The following TINAG variants were observed in gnomAD, a reference collection of about 807,000 sequenced individuals.
TINAG encodes the protein tubulointerstitial nephritis antigen.
A neutral mutation model predicts 72.7 loss-of-function variants in TINAG; 83 were observed. The observed-to-expected ratio is 1.14, with a 90% CI of 0.96 to 1.37. The LOEUF is 1.37. Among genes scored for constraint, TINAG ranks in the 40% most tolerant of loss-of-function variants. TINAG has a pLI of 0.00. For missense variants in TINAG, 685 were observed against 576.6 expected, an observed-to-expected ratio of 1.19 and a Z score of -1.93; for synonymous variants, 234 against 189.9, an observed-to-expected ratio of 1.23 and a Z score of -1.91.
intron 4 of TINAG, among the ~76,000 whole-genome samples, chr6:54,327,569 A>T (rs767818888): frequency 2.0e-5 from 3 of 151,246 alleles, no homozygotes; most frequent in African/African-American, 4.9e-5. Context: ...TTTTTTTTTC[A>T]TACCCCAGTA....
chr6:54,368,940 C>T (rs946143569), intron 9 of TINAG, among the ~76,000 whole-genome samples: 6 of 151,594 alleles, frequency 4.0e-5, no homozygotes, highest in Non-Finnish European at 7.4e-5. Context: ...TTGAAGGCTA[C>T]ATGTAGATAT....
In TINAG at chr6:54,308,602, T is replaced by C. The variant is rs745368398; in HGVS notation, c.52T>C (p.Trp18Arg). The C allele has an allele frequency of 6.2e-7, 1 of 1,613,450 alleles. No individual in the cohort carries two copies. Among genetic ancestry groups the C allele is most frequent in the Non-Finnish European group, 8.5e-7 (1 of 1,179,710 alleles). The change falls in exon 1 of 11, where the codon TGG (tryptophan) becomes CGG (arginine). Residue 18 changes from tryptophan (W) to arginine (R), a missense_variant. By Grantham distance (101) the Trp-to-Arg change is moderately radical. Transcript: ENST00000259782. ...LIFSYLTTEI[W>R]MEKQYLSQRE... Reference sequence around the variant, plus strand: ...CTTCTCTTATCTTACTACAGAAATCTGGATGGAGAAGCAGTATTTATCTCA... The same window carrying C: ...CTTCTCTTATCTTACTACAGAAATCCGGATGGAGAAGCAGTATTTATCTCA...
intron 9 of TINAG, among the ~76,000 whole-genome samples, chr6:54,375,711 T>C (rs1481694236): frequency 6.6e-6 from 1 of 152,188 alleles, no homozygotes; most frequent in Non-Finnish European, 1.5e-5. Flanking sequence ...ATGTTTAGGA[T>C]ACAACTGTTA....
At chr6:54,366,985 A>G (rs1763449580) in intron 9 of TINAG, 1 of 151,684 alleles carries the variant, frequency 6.6e-6, no homozygotes. Flanking sequence ...CCATTCTTCT[A>G]TTTAATGATG....
Position 54,308,834 on chromosome 6 carries a change from G to C in TINAG, c.284G>C (p.Cys95Ser), listed in dbSNP as rs1263777188. ...KFCDRENSDC[C>S]PDYKSFCREE... Reference sequence around the variant, plus strand: ...TGTGACAGAGAAAATTCTGATTGCTGTCCTGACTACAAGTCCTTTTGCCGT... The same window carrying C: ...TGTGACAGAGAAAATTCTGATTGCTCTCCTGACTACAAGTCCTTTTGCCGT... The change falls in exon 1 of 11, where the codon TGT (cysteine) becomes TCT (serine). Residue 95 changes from cysteine (C) to serine (S), a missense_variant. Transcript: ENST00000259782. The C allele has an allele frequency of 7.4e-6, 12 of 1,613,704 alleles. No individual in the cohort carries two copies. The African/African-American group carries it at 8.0e-5, about 11-fold the overall frequency.
At chr6:54,388,698 C>A (rs965675475) in intron 10 of TINAG, among the ~76,000 whole-genome samples, 3 of 152,000 alleles carry the variant, frequency 2.0e-5, no homozygotes, top group Non-Finnish European at 4.4e-5. Flanking sequence ...TCCATGTACT[C>A]CATTGATACT....
intron 4 of TINAG, chr6:54,327,193 A>G (rs1313029158): frequency 9.1e-6 from 14 of 1,538,812 alleles, no homozygotes; most frequent in African/African-American, 1.4e-5. Context: ...TCTGGTTGGC[A>G]GCTCCCAGCG....
rs190008736 is a variant in TINAG at position 54,372,239 on chromosome 6, A to C, written c.1251-8287A>C. 2.0e-3 allele frequency among the ~76,000 whole-genome samples: 300 copies of C among 151,778 alleles called. 1 individual carries two copies. The highest frequency in any genetic ancestry group is 6.8e-3 in the African/African-American group (282 of 41,418). On this transcript the variant is annotated intron_variant, in intron 9 of 10. Coordinates refer to ENST00000259782, the MANE Select transcript of TINAG (RefSeq NM_014464.4). ...ACTCCTGACCTCAGGTGATCTGCCT[A>C]CCTTGGCCTCCCAAAGTGCTGGGAT...
chr6:54,385,126 A>T lies in TINAG; in HGVS notation c.1296+4555A>T, dbSNP rs189165680. 9.9e-4 allele frequency among the ~76,000 whole-genome samples: 150 copies of T among 152,242 alleles called. 1 individual carries two copies. Among genetic ancestry groups the T allele is most frequent in the South Asian group, 2.5e-3 (12 of 4,832 alleles). On this transcript the variant is annotated intron_variant, in intron 10 of 10. Transcript: ENST00000259782. ...AATAATTCAATAAGCTGAAAAATTT[A>T]AACCGAAGATAAATGAAAGAAATAA... is the stretch of plus-strand genomic sequence containing the variant.
intron 9 of TINAG, among the ~76,000 whole-genome samples, chr6:54,356,898 A>G (rs1763059067): frequency 7.2e-6 from 1 of 138,094 alleles, no homozygotes; most frequent in East Asian, 2.1e-4. Context: ...CCATACAAAT[A>G]GTGTTGTTAT....
At chr6:54,339,101 A>G (rs564342555) in intron 4 of TINAG, among the ~76,000 whole-genome samples, 362 of 152,268 alleles carry the variant, frequency 2.4e-3, no homozygotes, top group Middle Eastern at 6.8e-3. Flanking sequence ...ACATTTGTTG[A>G]TGCCTTGGGT....
intron 4 of TINAG, among the ~76,000 whole-genome samples, chr6:54,342,849 A>C (rs929605068): frequency 1.3e-5 from 2 of 152,190 alleles, no homozygotes; most frequent in African/African-American, 4.8e-5. Context: ...AAACTCTTTA[A>C]AATAGGAGAG....
chr6:54,363,476 G>C (rs772370012), intron 9 of TINAG, among the ~76,000 whole-genome samples: 1 of 151,232 alleles, frequency 6.6e-6, no homozygotes, highest in Non-Finnish European at 1.5e-5. Context: ...TTTGTAATGG[G>C]GCATGGTGAA....
At chr6:54,324,728 C>T (rs891885163) in intron 3 of TINAG, among the ~76,000 whole-genome samples, 7 of 152,208 alleles carry the variant, frequency 4.6e-5, no homozygotes, top group African/African-American at 1.7e-4. Flanking sequence ...CTTTTACTCT[C>T]AGTCAGTAGG....
chr6:54,344,455 C>T (rs971490687), intron 5 of TINAG, among the ~76,000 whole-genome samples: 1 of 152,028 alleles, frequency 6.6e-6, no homozygotes, highest in African/African-American at 2.4e-5. Context: ...ATTTGTTTGT[C>T]TATTGATGGA....
chr6:54,380,757 ACT>A (rs1251566333), intron 10 of TINAG, among the ~76,000 whole-genome samples, 186 bp downstream of exon 10: 3 of 151,704 alleles, frequency 2.0e-5, no homozygotes, highest in African/African-American at 7.3e-5. Flanking sequence ...GTTTTCCTCA[ACT>A]CTCAGTATTT....
intron 4 of TINAG, among the ~76,000 whole-genome samples, chr6:54,336,810 C>T (rs1265945338): frequency 6.6e-6 from 1 of 151,958 alleles, no homozygotes; most frequent in Non-Finnish European, 1.5e-5. Flanking sequence ...GCATTTAAAA[C>T]CTGTTGGTGT....
chr6:54,379,200 A>G (rs2173375), intron 9 of TINAG, among the ~76,000 whole-genome samples: 59,773 of 152,028 alleles, frequency 0.39, 13,655 homozygotes, highest in Middle Eastern at 0.55. Flanking sequence ...AATTCACCAA[A>G]TTACATGAAA....
intron 9 of TINAG, among the ~76,000 whole-genome samples, chr6:54,377,071 A>G (rs1157498967): frequency 6.6e-6 from 1 of 152,144 alleles, no homozygotes; most frequent in Non-Finnish European, 1.5e-5. Context: ...AATAATTGAA[A>G]CAATTTAATT....
Sources: gnomAD v4.1 joint callset for allele counts (sites outside exome capture counted in the v4.1 genomes callset) on GRCh38, gnomAD v4.1.1 for gene constraint, MANE v1.5 for transcripts, NCBI Gene and HGNC (gene_info 2026-07-23, HGNC 2026-07-21) for gene names.